SPIRE2: variants seen among roughly 807,000 people sequenced by gnomAD.
SPIRE2 encodes the protein protein spire homolog 2.
In SPIRE2, 76 loss-of-function variants were observed where a neutral mutation model predicts 80.7. The observed-to-expected ratio is 0.94, with a 90% CI of 0.78 to 1.14. SPIRE2 has a LOEUF of 1.14. Among genes scored for constraint, SPIRE2 ranks in the 50% most tolerant of loss-of-function variants. The probability of loss-of-function intolerance (pLI) is 0.00; values close to 1 mark genes in which losing one functional copy is unlikely to be tolerated. For missense variants in SPIRE2, 1,196 were observed against 1,015.3 expected, an observed-to-expected ratio of 1.18 and a Z score of -2.42; for synonymous variants, 535 against 432.6, an observed-to-expected ratio of 1.24 and a Z score of -2.94.
At position 89,871,193 on chromosome 16, in the gene SPIRE2, T is replaced by A. The variant is rs1353788715; in HGVS notation, c.*921T>A. On this transcript the variant is annotated 3_prime_UTR_variant, in exon 15 of 15. Coordinates refer to ENST00000378247, the MANE Select transcript of SPIRE2 (RefSeq NM_032451.2). ...CTCTCCTGGCCCTACCACATTCTGG[T>A]GCTGTCCTCACTCGCCCCTGGCCCA... is the stretch of plus-strand genomic sequence containing the variant. 1 of 152,464 alleles carries A rather than the reference T, an allele frequency of 6.6e-6. No individual in the cohort carries two copies. The highest frequency in any genetic ancestry group is 2.4e-5 in the African/African-American group (1 of 41,410). The allele number at this position is 152,464 out of a possible 1,614,324, so 9.4% of individuals were successfully genotyped here.
chr16:89,855,501 C>A, intron 5 of SPIRE2, 99 bp from the exon 6 acceptor site: 1 of 1,050,866 alleles, frequency 9.5e-7, no homozygotes, highest in Non-Finnish European at 1.4e-6. Flanking sequence ...CGGGTAGGTG[C>A]GAAGACCAGG....
In SPIRE2 at chr16:89,870,812, G is replaced by C. The variant is rs1038774811; in HGVS notation, c.*540G>C. 1 of 157,646 alleles carries C rather than the reference G, an allele frequency of 6.3e-6. No homozygotes were observed. Among genetic ancestry groups the C allele is most frequent in the South Asian group, 1.8e-4 (1 of 5,470 alleles). The allele number at this position is 157,646 out of a possible 1,614,324, so 9.8% of individuals were successfully genotyped here. Reference sequence around the variant, plus strand: ...ACCTGTTTGAAAGGTCTGGCCAGGCGTGGTGGTTCAGGCCTGTAATTCCAG... The same window carrying C: ...ACCTGTTTGAAAGGTCTGGCCAGGCCTGGTGGTTCAGGCCTGTAATTCCAG... On this transcript the variant is annotated 3_prime_UTR_variant, in exon 15 of 15. Transcript: ENST00000378247.
At chr16:89,853,011 T>C (rs983485300) in intron 3 of SPIRE2, among the ~76,000 whole-genome samples, 8 of 109,964 alleles carry the variant, frequency 7.3e-5, no homozygotes, top group Admixed American at 1.9e-4. Flanking sequence ...CCTCTCACCC[T>C]CAAGATCCCA....
intron 14 of SPIRE2, 57 bp from the exon 15 acceptor site, chr16:89,869,993 G>T (rs1204988862): frequency 2.0e-6 from 3 of 1,465,186 alleles, no homozygotes; most frequent in Non-Finnish European, 2.8e-6. Flanking sequence ...CAAGCAGGGA[G>T]GGGGGTGTGG....
At chr16:89,844,507 C>T (rs1359279420) in intron 1 of SPIRE2, among the ~76,000 whole-genome samples, 2 of 151,214 alleles carry the variant, frequency 1.3e-5, no homozygotes, top group Admixed American at 6.6e-5. Context: ...GGTGCAATCT[C>T]GGCTCACTGC....
chr16:89,854,961 C>T lies in SPIRE2; in HGVS notation c.891+310C>T, dbSNP rs570774456. ...AGGATTTTTTTTTTCTTTTTTGAGACGGAGTCTCGCTCTGTCGCCCAGGCT... is the reference window on the plus strand; with the variant it reads ...AGGATTTTTTTTTTCTTTTTTGAGATGGAGTCTCGCTCTGTCGCCCAGGCT... On this transcript the variant is annotated intron_variant, in intron 5 of 14. Coordinates refer to ENST00000378247, the MANE Select transcript of SPIRE2 (RefSeq NM_032451.2). 7.1e-4 allele frequency among the ~76,000 whole-genome samples: 107 copies of T among 151,682 alleles called. 1 individual carries two copies. The Middle Eastern group carries it at 0.01, about 15-fold the overall frequency.
At chr16:89,862,956 T>G (rs2041757362) in intron 10 of SPIRE2, 1 of 163,378 alleles carries the variant, frequency 6.1e-6, no homozygotes, top group African/African-American at 2.4e-5. Context: ...TGTCAAGTTC[T>G]ATGCCAAGCA....
In SPIRE2 at chr16:89,843,196, C is replaced by T. The variant is rs540424116; in HGVS notation, c.245-2126C>T. On this transcript the variant is annotated intron_variant, in intron 1 of 14. Coordinates refer to ENST00000378247, the MANE Select transcript of SPIRE2 (RefSeq NM_032451.2). ...GGAGGAGGGTTGGGGAGCACAGACC[C>T]TGGGCCCCACGGCCTGGCCCCACTC... is the stretch of plus-strand genomic sequence containing the variant. Among the ~76,000 whole-genome samples the T allele has an allele frequency of 2.8e-4, 43 of 152,310 alleles. No individual in the cohort carries two copies. The South Asian group carries it at 2.9e-3, about 10-fold the overall frequency.
At chr16:89,840,636 ATTTT>A (rs10708235) in intron 1 of SPIRE2, among the ~76,000 whole-genome samples, 4 of 116,864 alleles carry the variant, frequency 3.4e-5, no homozygotes, top group African/African-American at 3.5e-5. Context: ...AAGTTTTCAA[ATTTT>A]TTTTTTTTTT....
chr16:89,835,532 G>C (rs2041440118), intron 1 of SPIRE2, among the ~76,000 whole-genome samples: 3 of 152,198 alleles, frequency 2.0e-5, no homozygotes. Context: ...GGCTCCCACA[G>C]CCTGTAGGGA....
intron 9 of SPIRE2, among the ~76,000 whole-genome samples, chr16:89,860,174 A>C (rs1244509505): frequency 6.6e-6 from 1 of 152,214 alleles, no homozygotes; most frequent in Non-Finnish European, 1.5e-5. Context: ...TCTGGGGCTC[A>C]GACACGGGGG....
intron 1 of SPIRE2, among the ~76,000 whole-genome samples, chr16:89,839,235 G>C (rs757272428): frequency 6.6e-6 from 1 of 152,044 alleles, no homozygotes; most frequent in Non-Finnish European, 1.5e-5. Context: ...TTAGCTGGGC[G>C]TGGTGGCGGG....
At chr16:89,854,770 G>C (rs1013063572) in intron 5 of SPIRE2, 119 bp downstream of exon 5, 6 of 1,108,138 alleles carry the variant, frequency 5.4e-6, no homozygotes, top group Non-Finnish European at 7.8e-6. Flanking sequence ...CAGGGTCCCT[G>C]CTCTCTGTGC....
At position 89,869,687 on chromosome 16, in the gene SPIRE2, G is replaced by A. The variant is rs750956587; in HGVS notation, c.1922+5G>A. ...CCAGAGAAGAGACATCTTTCAGTGC[G>A]TTCTTCGCCTTGCTGCTGATGTCAC... On this transcript the variant is annotated splice_donor_5th_base_variant and intron_variant, in intron 14 of 14. Transcript: ENST00000378247. 3.6e-5 allele frequency: 58 copies of A among 1,605,278 alleles called. No homozygotes were observed. The highest frequency in any genetic ancestry group is 1.7e-5 in the Admixed American group (1 of 59,978).
Position 89,850,381 on chromosome 16 carries a change from C to T in SPIRE2, c.366C>T (p.Ser122=). ...GLDESEEREL[S]PQLERLIDLM... ...ACGAGAGCGAGGAGCGCGAACTCAGCCCTCAGCTGGAGCGGCTCATCGACC... is the reference window on the plus strand; with the variant it reads ...ACGAGAGCGAGGAGCGCGAACTCAGTCCTCAGCTGGAGCGGCTCATCGACC... Residue 122 remains serine, a synonymous_variant, in exon 3 of 15, where the codon AGC becomes AGT. Coordinates refer to ENST00000378247, the MANE Select transcript of SPIRE2 (RefSeq NM_032451.2). The T allele has an allele frequency of 6.3e-7, 1 of 1,599,404 alleles. No individual in the cohort carries two copies. Among genetic ancestry groups the T allele is most frequent in the Non-Finnish European group, 8.5e-7 (1 of 1,174,596 alleles).
chr16:89,868,899 C>T (rs987913792), intron 13 of SPIRE2, among the ~76,000 whole-genome samples: 4 of 150,852 alleles, frequency 2.7e-5, no homozygotes, highest in African/African-American at 9.7e-5. Context: ...GGCGCGGTGG[C>T]TCATGCCTGC....
chr16:89,849,378 C>T (rs989054183), intron 2 of SPIRE2, among the ~76,000 whole-genome samples: 6 of 152,356 alleles, frequency 3.9e-5, no homozygotes, highest in African/African-American at 1.2e-4. Context: ...CCTGTCCCCA[C>T]GTCAGTGTGG....
At chr16:89,853,746 C>T (rs59153511) in intron 3 of SPIRE2, among the ~76,000 whole-genome samples, 293 of 152,138 alleles carry the variant, frequency 1.9e-3, no homozygotes, top group African/African-American at 6.8e-3. Context: ...GCGCCTTCTT[C>T]CCAAGTTCTC....
In SPIRE2 at chr16:89,869,051, A is replaced by T. The variant is rs866184913; in HGVS notation, c.1807-516A>T. 0.033 allele frequency among the ~76,000 whole-genome samples: 994 copies of T among 30,032 alleles called. 88 individuals are homozygous for T. In the East Asian group the frequency reaches 0.55, roughly 17 times the overall value. The allele number at this position is 30,032 out of a possible 152,430, so 19.7% of individuals were successfully genotyped here. On this transcript the variant is annotated intron_variant, in intron 13 of 14. Coordinates refer to ENST00000378247, the MANE Select transcript of SPIRE2 (RefSeq NM_032451.2). ...TGTCTTAAAAAAAAAAAAAAAAAAA[A>T]AAATATATATATATATATATATATG...
Sources: gnomAD v4.1 joint callset for allele counts (sites outside exome capture counted in the v4.1 genomes callset) on GRCh38, gnomAD v4.1.1 for gene constraint, MANE v1.5 for transcripts, NCBI Gene and HGNC (gene_info 2026-07-23, HGNC 2026-07-21) for gene names.